Variants in RBFOX3 observed in about 807,000 individuals in gnomAD.
RBFOX3 encodes the protein RNA binding protein fox-1 homolog 3.
In RBFOX3, 17 loss-of-function variants were observed where a neutral mutation model predicts 48.7. The observed-to-expected ratio is 0.35, with a 90% CI of 0.24 to 0.52. The LOEUF is 0.52. Ranked by LOEUF, RBFOX3 falls within the 20% of genes least tolerant of loss-of-function variation. The pLI is 0.94. For missense variants in RBFOX3, 382 were observed against 497.5 expected (o/e 0.77, Z 2.21); for synonymous variants, 212 against 209.5 (o/e 1.01, Z -0.10).
At chr17:79,455,378 C>G (rs1555744242) in intron 2 of RBFOX3, among the ~76,000 whole-genome samples, 1 of 152,158 alleles carries the variant, frequency 6.6e-6, no homozygotes, top group African/African-American at 2.4e-5. Context: ...GAGAGACCAC[C>G]TGAGGGTCAT....
the RBFOX3 span, among the ~76,000 whole-genome samples, chr17:79,656,683 G>GAGAGAGACAGAAAGAAAGAAAGAAAGAA: frequency 7.6e-3 from 301 of 39,448 alleles, 12 homozygotes; most frequent in Middle Eastern, 0.013. Flanking sequence ...GAAGGAAGGA[G>GAGAGAGACAGAAAGAAAGAAAGAAAGAA]GGAAGGAAGG....
chr17:79,124,665 G>C (rs1599547181), intron 4 of RBFOX3, among the ~76,000 whole-genome samples: 1 of 34 alleles, frequency 0.029, no homozygotes. Context: ...TGCGGGGGTG[G>C]GTGGCCAGGG....
intron 1 of RBFOX3, among the ~76,000 whole-genome samples, chr17:79,517,396 G>T (rs1341098390): frequency 1.5e-5 from 2 of 135,804 alleles, no homozygotes; most frequent in Admixed American, 8.2e-5. Flanking sequence ...AGGGAGCCAA[G>T]ATCATGCCAC....
chr17:79,191,685 G>T (rs1420483283), intron 4 of RBFOX3, among the ~76,000 whole-genome samples: 2 of 151,984 alleles, frequency 1.3e-5, no homozygotes, highest in Non-Finnish European at 2.9e-5. Flanking sequence ...AAGCCTCATG[G>T]GAGCTGAGCT....
At chr17:79,511,074 C>T (rs1240713188) in intron 1 of RBFOX3, among the ~76,000 whole-genome samples, 17 of 152,202 alleles carry the variant, frequency 1.1e-4, no homozygotes, top group Non-Finnish European at 7.3e-5. Flanking sequence ...CAGGGAAAGG[C>T]TCTGCCAGGA....
At chr17:79,105,931 C>G (rs939685580) in intron 6 of RBFOX3, among the ~76,000 whole-genome samples, 7 of 152,338 alleles carry the variant, frequency 4.6e-5, no homozygotes, top group Admixed American at 1.3e-4. Flanking sequence ...CAGCCCCCTG[C>G]AGGCATCAAC....
chr17:79,624,070 G>A, the RBFOX3 span, among the ~76,000 whole-genome samples: 1 of 152,184 alleles, frequency 6.6e-6, no homozygotes. Context: ...TTAGCCCAGA[G>A]AGGCCAGTGT....
intron 4 of RBFOX3, among the ~76,000 whole-genome samples, chr17:79,185,128 G>A (rs1460919804): frequency 6.6e-6 from 1 of 151,772 alleles, no homozygotes; most frequent in Non-Finnish European, 1.5e-5. Context: ...GCTGGGATGT[G>A]GAGTCCGGGA....
At chr17:79,427,732 G>C (rs1419203812) in intron 2 of RBFOX3, among the ~76,000 whole-genome samples, 1 of 152,252 alleles carries the variant, frequency 6.6e-6, no homozygotes, top group Non-Finnish European at 1.5e-5. Context: ...GCTCCTCATA[G>C]CACATCCATT....
chr17:79,315,956 C>T (rs190351844), intron 2 of RBFOX3, among the ~76,000 whole-genome samples: 2 of 152,124 alleles, frequency 1.3e-5, no homozygotes, highest in Non-Finnish European at 2.9e-5. Flanking sequence ...GGGGTGGGTC[C>T]GCCAGCAGCT....
chr17:79,569,742 G>A (rs1241175473), intron 1 of RBFOX3, among the ~76,000 whole-genome samples: 1 of 152,240 alleles, frequency 6.6e-6, no homozygotes. Flanking sequence ...ACATCTAAGA[G>A]TGTTTGGATG....
upstream of RBFOX3, among the ~76,000 whole-genome samples, chr17:79,614,866 A>G (rs967267875): frequency 7.9e-5 from 12 of 152,224 alleles, no homozygotes; most frequent in East Asian, 2.1e-3. Context: ...CTAGATGATC[A>G]ATTCACGAGG....
At chr17:79,375,402 A>C (rs1454421238) in intron 2 of RBFOX3, among the ~76,000 whole-genome samples, 1 of 80,116 alleles carries the variant, frequency 1.2e-5, no homozygotes, top group Non-Finnish European at 3.0e-5. Flanking sequence ...CACACACACG[A>C]AGCTCTTCAG....
intron 2 of RBFOX3, among the ~76,000 whole-genome samples, chr17:79,353,552 C>T (rs565914944): frequency 2.6e-5 from 4 of 152,292 alleles, no homozygotes; most frequent in South Asian, 4.1e-4. Context: ...CAATACTGCC[C>T]GGAGAAATAC....
chr17:79,433,077 G>T (rs1020972346), intron 2 of RBFOX3, among the ~76,000 whole-genome samples: 1 of 152,336 alleles, frequency 6.6e-6, no homozygotes, highest in East Asian at 1.9e-4. Flanking sequence ...TGGTTGGCAA[G>T]CTTGCCTGTG....
chr17:79,167,636 C>T (rs1207717612), intron 4 of RBFOX3, among the ~76,000 whole-genome samples: 1 of 152,232 alleles, frequency 6.6e-6, no homozygotes, highest in Non-Finnish European at 1.5e-5. Flanking sequence ...GCCCCGGCCG[C>T]AGTCTGCCTG....
At chr17:79,229,558 CAAAAAAAA>C (rs11435725) in intron 4 of RBFOX3, among the ~76,000 whole-genome samples, 1 of 50,646 alleles carries the variant, frequency 2.0e-5, no homozygotes, top group African/African-American at 8.0e-5. Context: ...GACTCCATCT[CAAAAAAAA>C]AAAAAAAAAA....
At chr17:79,458,317 G>GTGC (rs2074866530) in intron 2 of RBFOX3, among the ~76,000 whole-genome samples, 1 of 152,178 alleles carries the variant, frequency 6.6e-6, no homozygotes, top group Non-Finnish European at 1.5e-5. Context: ...AAATGTACAG[G>GTGC]TGCCTCGCAC....
the RBFOX3 span, among the ~76,000 whole-genome samples, chr17:79,652,932 A>G: frequency 5.9e-5 from 9 of 152,316 alleles, no homozygotes; most frequent in Middle Eastern, 0.01. Context: ...CAAGGATAAA[A>G]GCTTCCAGAG....
Sources: gnomAD v4.1 joint callset for allele counts (sites outside exome capture counted in the v4.1 genomes callset) on GRCh38, gnomAD v4.1.1 for gene constraint, MANE v1.5 for transcripts, NCBI Gene and HGNC (gene_info 2026-07-23, HGNC 2026-07-21) for gene names.